Variants in STXBP5L observed in about 807,000 individuals in gnomAD.
The protein encoded by STXBP5L is syntaxin binding protein 5L, also known as syntaxin-binding protein 5-like.
STXBP5L carries 65 observed loss-of-function variants against 144.5 expected under a neutral mutation model. That is an observed-to-expected ratio of 0.45 (90% CI 0.37 to 0.55). STXBP5L has a LOEUF of 0.55. Among genes scored for constraint, STXBP5L ranks in the 20% least tolerant of loss-of-function variants. STXBP5L has a pLI of 0.00. For missense variants in STXBP5L, 1,298 were observed against 1,405.5 expected (o/e 0.92, Z 1.22); for synonymous variants, 505 against 469.6 (o/e 1.08, Z -0.97).
At chr3:121,049,065 C>T (rs1947741193) in intron 5 of STXBP5L, among the ~76,000 whole-genome samples, 1 of 152,004 alleles carries the variant, frequency 6.6e-6, no homozygotes, top group African/African-American at 2.4e-5. Flanking sequence ...AGAGCTGCTA[C>T]TAGCCTGAGA....
chr3:121,049,321 T>G (rs1486347263), intron 5 of STXBP5L, among the ~76,000 whole-genome samples: 1 of 151,718 alleles, frequency 6.6e-6, no homozygotes, highest in Non-Finnish European at 1.5e-5. Flanking sequence ...CCCAGGGAAG[T>G]GGAGAGCTGG....
At chr3:121,298,013 A>G (rs2051728061) in intron 19 of STXBP5L, among the ~76,000 whole-genome samples, 1 of 152,150 alleles carries the variant, frequency 6.6e-6, no homozygotes, top group Non-Finnish European at 1.5e-5. Context: ...GGATTGCTGG[A>G]TCATATAGTG....
intron 5 of STXBP5L, among the ~76,000 whole-genome samples, chr3:121,048,565 C>G (rs1029962957): frequency 2.8e-4 from 42 of 152,040 alleles, no homozygotes; most frequent in African/African-American, 9.7e-4. Flanking sequence ...TGAGTTAGTT[C>G]AGAGAACCAG....
intron 3 of STXBP5L, among the ~76,000 whole-genome samples, chr3:120,958,561 C>T (rs1367119610): frequency 6.6e-6 from 1 of 152,168 alleles, no homozygotes; most frequent in East Asian, 1.9e-4. Flanking sequence ...CCACCATGAT[C>T]AAGTGGGCTT....
intron 2 of STXBP5L, among the ~76,000 whole-genome samples, chr3:120,945,678 T>G (rs1437692074): frequency 1.3e-5 from 2 of 151,794 alleles, no homozygotes; most frequent in Non-Finnish European, 2.9e-5. Context: ...AAGCTGGTAT[T>G]GGCAAAAGGA....
intron 7 of STXBP5L, among the ~76,000 whole-genome samples, chr3:121,140,479 A>G (rs1471485408): frequency 6.6e-6 from 1 of 152,186 alleles, no homozygotes; most frequent in Non-Finnish European, 1.5e-5. Flanking sequence ...AAGATATGGA[A>G]TCAATGTAAT....
At chr3:121,223,417 G>A (rs1474670608) in intron 11 of STXBP5L, among the ~76,000 whole-genome samples, 2 of 152,140 alleles carry the variant, frequency 1.3e-5, no homozygotes, top group African/African-American at 2.4e-5. Context: ...TGAGCTGGGA[G>A]GGTCTGATAA....
At chr3:121,091,350 C>T (rs974254298) in intron 5 of STXBP5L, among the ~76,000 whole-genome samples, 3 of 149,284 alleles carry the variant, frequency 2.0e-5, no homozygotes, top group Admixed American at 6.9e-5. Flanking sequence ...TGAGGAATCG[C>T]CACACTGACT....
At chr3:121,159,451 G>A (rs566484754) in intron 9 of STXBP5L, among the ~76,000 whole-genome samples, 1 of 152,066 alleles carries the variant, frequency 6.6e-6, no homozygotes, top group East Asian at 1.9e-4. Flanking sequence ...AATTATAGGT[G>A]TGAGCAACCA....
At chr3:121,325,209 G>A (rs935368178) in intron 20 of STXBP5L, among the ~76,000 whole-genome samples, 1 of 151,932 alleles carries the variant, frequency 6.6e-6, no homozygotes, top group Non-Finnish European at 1.5e-5. Context: ...AATGACTGTG[G>A]CCAGTTTTAC....
chr3:121,190,484 T>G (rs2047598614), intron 9 of STXBP5L, among the ~76,000 whole-genome samples: 1 of 152,192 alleles, frequency 6.6e-6, no homozygotes, highest in Admixed American at 6.5e-5. Context: ...CAATCCGATC[T>G]CTCTTTCTTT....
At position 121,419,131 on chromosome 3, in the gene STXBP5L, A is replaced by T; in HGVS notation, c.*34A>T. ...GAAGCTGTGACTGCTTTGAGAAACC[A>T]TATTCAGGGAAACCAAATTTATTCC... On this transcript the variant is annotated 3_prime_UTR_variant, in exon 27 of 27. Transcript: ENST00000471454. 6.3e-7 allele frequency: 1 copy of T among 1,595,626 alleles called. No individual in the cohort carries two copies. Among genetic ancestry groups the T allele is most frequent in the East Asian group, 2.3e-5 (1 of 44,444 alleles).
intron 4 of STXBP5L, among the ~76,000 whole-genome samples, chr3:121,044,301 A>G (rs1276996667): frequency 1.3e-5 from 2 of 152,174 alleles, no homozygotes; most frequent in Admixed American, 1.3e-4. Flanking sequence ...TACCAAATAT[A>G]AAGAGACCTA....
At chr3:121,317,751 T>C (rs550559458) in intron 19 of STXBP5L, among the ~76,000 whole-genome samples, 1 of 152,284 alleles carries the variant, frequency 6.6e-6, no homozygotes, top group African/African-American at 2.4e-5. Flanking sequence ...GTGTCTATTG[T>C]TGCATTTGTC....
chr3:121,145,548 G>A (rs981952413), intron 7 of STXBP5L, among the ~76,000 whole-genome samples: 1 of 151,670 alleles, frequency 6.6e-6, no homozygotes, highest in Admixed American at 6.6e-5. Flanking sequence ...TCTTACTAAG[G>A]AAAAACCTAA....
At chr3:121,410,250 A>G (rs959782902) in intron 23 of STXBP5L, among the ~76,000 whole-genome samples, 4 of 151,938 alleles carry the variant, frequency 2.6e-5, no homozygotes, top group African/African-American at 9.7e-5. Context: ...ACATTGAGTC[A>G]TTGATAAATG....
At chr3:121,310,370 G>A (rs939944302) in intron 19 of STXBP5L, among the ~76,000 whole-genome samples, 4 of 151,976 alleles carry the variant, frequency 2.6e-5, no homozygotes, top group African/African-American at 9.7e-5. Context: ...CATCACTTTG[G>A]GAGGCCGAGG....
chr3:121,386,867 G>T (rs148694643), intron 22 of STXBP5L, among the ~76,000 whole-genome samples: 19,228 of 152,168 alleles, frequency 0.13, 1,353 homozygotes, highest in Middle Eastern at 0.18. Context: ...ATAAACATAC[G>T]TGTGCATGCA....
intron 19 of STXBP5L, among the ~76,000 whole-genome samples, chr3:121,306,562 T>C (rs961012500): frequency 9.9e-5 from 15 of 152,078 alleles, no homozygotes; most frequent in Admixed American, 7.2e-4. Context: ...GCGGTCTACG[T>C]GAATAGAGAG....
Sources: gnomAD v4.1 joint callset for allele counts (sites outside exome capture counted in the v4.1 genomes callset) on GRCh38, gnomAD v4.1.1 for gene constraint, MANE v1.5 for transcripts, NCBI Gene and HGNC (gene_info 2026-07-23, HGNC 2026-07-21) for gene names.